SIK2: variants seen among roughly 807,000 people sequenced by gnomAD.
SIK2 encodes the protein serine/threonine-protein kinase SIK2.
In SIK2, 29 loss-of-function variants were observed where a neutral mutation model predicts 103.2. The observed-to-expected ratio is 0.28, with a 90% CI of 0.21 to 0.38. The LOEUF (loss-of-function observed/expected upper bound fraction) is 0.38. Ranked by LOEUF, SIK2 falls within the 10% of genes least tolerant of loss-of-function variation. SIK2 has a pLI of 1.00. For missense variants in SIK2, 879 were observed against 1,171.0 expected (o/e 0.75, Z 3.64); for synonymous variants, 412 against 446.1 (o/e 0.92, Z 0.96).
chr11:111,697,689 A>G (rs550063199), intron 4 of SIK2, among the ~76,000 whole-genome samples: 7 of 152,198 alleles, frequency 4.6e-5, no homozygotes, highest in Non-Finnish European at 8.8e-5. Flanking sequence ...CATTCTTCAG[A>G]TGATTACAAA....
chr11:111,647,093 A>C (rs1357232512), intron 3 of SIK2, among the ~76,000 whole-genome samples: 1 of 152,218 alleles, frequency 6.6e-6, no homozygotes, highest in Non-Finnish European at 1.5e-5. Context: ...TCAAGTCAAT[A>C]AATACATTCC....
chr11:111,707,610 TTTTGAG>T (rs1306393697), intron 8 of SIK2, among the ~76,000 whole-genome samples: 2 of 152,198 alleles, frequency 1.3e-5, no homozygotes, highest in Non-Finnish European at 2.9e-5. Flanking sequence ...AGATTTCACA[TTTTGAG>T]TTTTAGTGTT....
chr11:111,716,588 A>G (rs1416511579), intron 9 of SIK2, among the ~76,000 whole-genome samples: 3 of 152,158 alleles, frequency 2.0e-5, no homozygotes, highest in Non-Finnish European at 4.4e-5. Context: ...CCAAAAAAAG[A>G]AAAAAGAAGA....
chr11:111,665,833 AG>A (rs1942532099), intron 3 of SIK2, among the ~76,000 whole-genome samples: 1 of 152,132 alleles, frequency 6.6e-6, no homozygotes, highest in African/African-American at 2.4e-5. Flanking sequence ...TCTCAAAAAA[AG>A]AAAAAAAGAA....
chr11:111,662,964 G>A (rs1303499941), intron 3 of SIK2, among the ~76,000 whole-genome samples: 3 of 151,910 alleles, frequency 2.0e-5, no homozygotes, highest in Non-Finnish European at 4.4e-5. Flanking sequence ...CAGGCACAGT[G>A]GCTCATACCT....
At chr11:111,690,793 C>A (rs1942926513) in intron 4 of SIK2, among the ~76,000 whole-genome samples, 3 of 152,152 alleles carry the variant, frequency 2.0e-5, no homozygotes, top group Non-Finnish European at 2.9e-5. Context: ...TGAACTCATT[C>A]TTTTTTTATG....
chr11:111,638,140 A>C (rs1942134674), intron 3 of SIK2, among the ~76,000 whole-genome samples: 1 of 152,232 alleles, frequency 6.6e-6, no homozygotes, highest in Non-Finnish European at 1.5e-5. Flanking sequence ...TTTGTCTTCT[A>C]CCCATAAGGT....
At chr11:111,687,826 C>T (rs996772422) in intron 3 of SIK2, among the ~76,000 whole-genome samples, 175 bp from the exon 4 acceptor site, 6 of 151,918 alleles carry the variant, frequency 3.9e-5, no homozygotes, top group East Asian at 1.9e-4. Context: ...AGGATGGTCT[C>T]GATCTCCTGA....
At chr11:111,645,769 G>A (rs1565328565) in intron 3 of SIK2, among the ~76,000 whole-genome samples, 1 of 151,320 alleles carries the variant, frequency 6.6e-6, no homozygotes, top group African/African-American at 2.4e-5. Context: ...GAGCCGAGAT[G>A]ATGCCATTGC....
intron 3 of SIK2, among the ~76,000 whole-genome samples, chr11:111,663,394 G>A (rs1022303650): frequency 6.6e-6 from 1 of 152,136 alleles, no homozygotes; most frequent in Non-Finnish European, 1.5e-5. Flanking sequence ...CGAAGGCCTT[G>A]AGGTCAGAAC....
rs553418742 is a variant in SIK2 at position 111,628,891 on chromosome 11, G to A, written c.316+8489G>A. ...TGTAAGAGGCATATTTTAGAGAGTC[G>A]TATAAAGACCAGTTGTGGGAAACCT... On this transcript the variant is annotated intron_variant, in intron 3 of 14. Transcript: ENST00000304987. 6.6e-5 allele frequency among the ~76,000 whole-genome samples: 10 copies of A among 152,044 alleles called. No homozygotes were observed. The East Asian group carries it at 1.4e-3, about 21-fold the overall frequency.
chr11:111,723,432 T>C, intron 14 of SIK2, 64 bp from the exon 15 acceptor site: 1 of 1,502,626 alleles, frequency 6.7e-7, no homozygotes, highest in Non-Finnish European at 9.0e-7. Context: ...GGTATTGCAT[T>C]TACATTAAAA....
intron 3 of SIK2, among the ~76,000 whole-genome samples, chr11:111,668,571 T>C (rs544296059): frequency 6.6e-6 from 1 of 152,208 alleles, no homozygotes; most frequent in Non-Finnish European, 1.5e-5. Flanking sequence ...CCTCATCTAT[T>C]TTGATCAAAT....
Position 111,725,209 on chromosome 11 carries a change from A to G in SIK2, c.*1080A>G, listed in dbSNP as rs1322393199. 1 of 152,646 alleles carries G rather than the reference A, an allele frequency of 6.6e-6. No individual in the cohort carries two copies. The highest frequency in any genetic ancestry group is 1.5e-5 in the Non-Finnish European group (1 of 68,032). 9.5% of individuals were successfully genotyped at this position (152,646 alleles called of 1,614,324 possible). A position where few individuals can be genotyped will look rare whatever the true frequency, so the allele number is the denominator to read the frequency against. ...CATGCTTTAATTCTTTCTTTTCTGT[A>G]GAAACCAACAGTTTCCATTTATGTC... is the stretch of plus-strand genomic sequence containing the variant. On this transcript the variant is annotated 3_prime_UTR_variant, in exon 15 of 15. Transcript: ENST00000304987.
At chr11:111,634,119 TA>T (rs1172424424) in intron 3 of SIK2, among the ~76,000 whole-genome samples, 4 of 152,178 alleles carry the variant, frequency 2.6e-5, no homozygotes, top group Non-Finnish European at 5.9e-5. Context: ...CCAGGGTCTT[TA>T]TTTACAGATT....
chr11:111,713,884 T>C (rs962389755), intron 9 of SIK2, among the ~76,000 whole-genome samples: 4 of 152,146 alleles, frequency 2.6e-5, no homozygotes, highest in African/African-American at 9.7e-5. Flanking sequence ...AGAGAATTGC[T>C]TGAACCCAGG....
chr11:111,721,142 A>G (rs1943788642), intron 12 of SIK2, 80 bp downstream of exon 12: 1 of 1,488,342 alleles, frequency 6.7e-7, no homozygotes, highest in African/African-American at 1.4e-5. Context: ...ATTTTCACTT[A>G]GAGGATTTCC....
chr11:111,726,819 G>T lies in SIK2; in HGVS notation c.*2690G>T. The T allele has an allele frequency of 1.4e-6, 1 of 704,674 alleles. No homozygotes were observed. The highest frequency in any genetic ancestry group is 1.8e-5 in the South Asian group (1 of 56,868). The allele number at this position is 704,674 out of a possible 1,614,324, so 43.7% of individuals were successfully genotyped here. The stretch of plus-strand genomic sequence containing the variant: ...TCACGTTAGCAGTGTGTACACTACT[G>T]TATCATCATCAGCTTCATCACCCTG... On this transcript the variant is annotated 3_prime_UTR_variant, in exon 15 of 15. Transcript: ENST00000304987.
In SIK2 at chr11:111,634,113, G is replaced by T. The variant is rs141052597; in HGVS notation, c.316+13711G>T. 2.6e-3 allele frequency among the ~76,000 whole-genome samples: 389 copies of T among 152,196 alleles called. 3 individuals carry two copies. Among genetic ancestry groups the T allele is most frequent in the African/African-American group, 9.1e-3 (376 of 41,522 alleles). On this transcript the variant is annotated intron_variant, in intron 3 of 14. Transcript: ENST00000304987. ...CTGGCCTGGTAATTAAATTACCCAG[G>T]GTCTTTATTTACAGATTTCTGCTCC... is the stretch of plus-strand genomic sequence containing the variant.
Sources: gnomAD v4.1 joint callset for allele counts (sites outside exome capture counted in the v4.1 genomes callset) on GRCh38, gnomAD v4.1.1 for gene constraint, MANE v1.5 for transcripts, NCBI Gene and HGNC (gene_info 2026-07-23, HGNC 2026-07-21) for gene names.